Variants in EPB41L5 observed in about 807,000 individuals in gnomAD.
EPB41L5 encodes band 4.1-like protein 5.
Under a neutral mutation model 106.6 loss-of-function variants are expected in EPB41L5, and 55 were observed. The ratio of observed to expected loss-of-function variants is 0.52; its 90% confidence interval spans 0.42 to 0.65. The LOEUF is 0.65. EPB41L5 is among the 30% of genes least tolerant of loss of function. EPB41L5 has a pLI of 0.00. For missense variants in EPB41L5, 871 were observed against 882.1 expected, an observed-to-expected ratio of 0.99 and a Z score of 0.16; for synonymous variants, 297 against 306.7, an observed-to-expected ratio of 0.97 and a Z score of 0.33.
intron 14 of EPB41L5, among the ~76,000 whole-genome samples, chr2:120,097,094 T>A (rs1683804664): frequency 1.3e-5 from 2 of 152,248 alleles, no homozygotes; most frequent in African/African-American, 4.8e-5. Flanking sequence ...TGTTTTGGAA[T>A]TATGATTAAT....
At chr2:120,066,604 G>A (rs1291239043) in intron 3 of EPB41L5, among the ~76,000 whole-genome samples, 2 of 152,172 alleles carry the variant, frequency 1.3e-5, no homozygotes, top group African/African-American at 2.4e-5. Context: ...ATTTCTAGGT[G>A]TAGAATTGCT....
At chr2:120,114,846 A>T (rs1164386017) in intron 16 of EPB41L5, among the ~76,000 whole-genome samples, 1 of 152,200 alleles carries the variant, frequency 6.6e-6, no homozygotes, top group East Asian at 1.9e-4. Flanking sequence ...TATTGATCAG[A>T]AGATAAACTT....
At chr2:120,132,242 A>T (rs1053162239) in intron 18 of EPB41L5, among the ~76,000 whole-genome samples, 1 of 152,238 alleles carries the variant, frequency 6.6e-6, no homozygotes, top group African/African-American at 2.4e-5. Context: ...TAAGTAACTT[A>T]TAGAAAGAGC....
chr2:120,114,853 A>G (rs1193305895), intron 16 of EPB41L5, among the ~76,000 whole-genome samples: 1 of 152,150 alleles, frequency 6.6e-6, no homozygotes, highest in Non-Finnish European at 1.5e-5. Context: ...CAGAAGATAA[A>G]CTTATCTAGT....
intron 18 of EPB41L5, among the ~76,000 whole-genome samples, chr2:120,134,596 G>A (rs1483011736): frequency 6.6e-6 from 1 of 152,206 alleles, no homozygotes; most frequent in Non-Finnish European, 1.5e-5. Flanking sequence ...AGCTCACTGA[G>A]AAGAGAGAGA....
chr2:120,041,018 C>G (rs1679369234), intron 2 of EPB41L5, among the ~76,000 whole-genome samples: 1 of 151,932 alleles, frequency 6.6e-6, no homozygotes, highest in Non-Finnish European at 1.5e-5. Flanking sequence ...TGGATTATAC[C>G]TACCAATAGT....
rs564423951 is a variant in EPB41L5, at chr2:120,111,027, A to G, written c.1337+10213A>G. Reference sequence around the variant, plus strand: ...TTGTTTGTTTCACAAAACCTAAGAAATTAACATTGGTACAATACCACAAAC... The same window carrying G: ...TTGTTTGTTTCACAAAACCTAAGAAGTTAACATTGGTACAATACCACAAAC... On this transcript the variant is annotated intron_variant, in intron 16 of 24. Coordinates refer to ENST00000263713, the MANE Select transcript of EPB41L5 (RefSeq NM_020909.4). 2.6e-5 allele frequency among the ~76,000 whole-genome samples: 4 copies of G among 152,238 alleles called. No individual in the cohort carries two copies. In the South Asian group the frequency reaches 6.2e-4, roughly 24 times the overall value.
chr2:120,061,265 C>G (rs1681049261), intron 3 of EPB41L5, among the ~76,000 whole-genome samples: 1 of 148,132 alleles, frequency 6.8e-6, no homozygotes, highest in Admixed American at 6.7e-5. Flanking sequence ...CTCTGTCGCC[C>G]AGGCTGGAGT....
intron 16 of EPB41L5, among the ~76,000 whole-genome samples, chr2:120,126,074 G>T (rs1052048980): frequency 6.6e-6 from 1 of 152,010 alleles, no homozygotes; most frequent in East Asian, 1.9e-4. Flanking sequence ...CAGTCATAGC[G>T]GATTAGCTGC....
chr2:120,048,178 T>C (rs1204056239), intron 3 of EPB41L5, among the ~76,000 whole-genome samples: 1 of 152,208 alleles, frequency 6.6e-6, no homozygotes, highest in African/African-American at 2.4e-5. Context: ...CCTCATAACA[T>C]GAGTTAGGGA....
At chr2:120,159,053 C>T (rs1362064666) in intron 20 of EPB41L5, among the ~76,000 whole-genome samples, 1 of 151,984 alleles carries the variant, frequency 6.6e-6, no homozygotes, top group Non-Finnish European at 1.5e-5. Flanking sequence ...AGGATCTCTA[C>T]AAGGATAACT....
chr2:120,065,688 TG>T (rs1240021008), intron 3 of EPB41L5, among the ~76,000 whole-genome samples: 1 of 151,992 alleles, frequency 6.6e-6, no homozygotes, highest in Non-Finnish European at 1.5e-5. Context: ...AGCTAATTTT[TG>T]TATTTTTAGT....
chr2:120,087,114 T>C, intron 10 of EPB41L5, 57 bp from the exon 11 acceptor site: 1 of 1,092,596 alleles, frequency 9.2e-7, no homozygotes, highest in East Asian at 2.4e-5. Context: ...ACAATTTTTT[T>C]CATATTTAGA....
intron 16 of EPB41L5, among the ~76,000 whole-genome samples, chr2:120,103,842 A>G (rs1409817014): frequency 1.3e-5 from 2 of 152,132 alleles, no homozygotes; most frequent in African/African-American, 4.8e-5. Flanking sequence ...ACTTACATGT[A>G]TTTCCATATT....
intron 19 of EPB41L5, among the ~76,000 whole-genome samples, chr2:120,144,491 A>C (rs1349096211): frequency 6.6e-6 from 1 of 152,252 alleles, no homozygotes; most frequent in Non-Finnish European, 1.5e-5. Flanking sequence ...TGAGGAATAG[A>C]GAAGTAACAT....
At chr2:120,075,868 A>G (rs1452174936) in intron 7 of EPB41L5, 115 bp downstream of exon 7, 1 of 849,526 alleles carries the variant, frequency 1.2e-6, no homozygotes, top group Non-Finnish European at 1.9e-6. Flanking sequence ...GTTTTTGTAT[A>G]AACTTGTATC....
intron 16 of EPB41L5, among the ~76,000 whole-genome samples, chr2:120,125,467 T>C (rs1333555243): frequency 6.6e-6 from 1 of 152,192 alleles, no homozygotes; most frequent in African/African-American, 2.4e-5. Flanking sequence ...ATTCATATGT[T>C]GAATTTTCCT....
At position 120,175,500 on chromosome 2, in the gene EPB41L5, A is replaced by T. The variant is rs896027389; in HGVS notation, c.*593A>T. 1 of 151,346 alleles carries T rather than the reference A, an allele frequency of 6.6e-6. No individual in the cohort carries two copies. The highest frequency in any genetic ancestry group is 1.5e-5 in the Non-Finnish European group (1 of 68,090). 9.4% of individuals were successfully genotyped at this position (151,346 alleles called of 1,614,324 possible). ...TTTTTAAATGTCTCCCATTCTTTTG[A>T]TTTCTTACTGTACTGGCTATCTTAA... On this transcript the variant is annotated 3_prime_UTR_variant, in exon 25 of 25. Transcript: ENST00000263713.
chr2:120,032,347 C>T (rs1259732132), intron 2 of EPB41L5, among the ~76,000 whole-genome samples: 1 of 152,174 alleles, frequency 6.6e-6, no homozygotes, highest in East Asian at 1.9e-4. Context: ...TACTGCACCC[C>T]AGCCTGGGCA....
Sources: gnomAD v4.1 joint callset for allele counts (sites outside exome capture counted in the v4.1 genomes callset) on GRCh38, gnomAD v4.1.1 for gene constraint, MANE v1.5 for transcripts, NCBI Gene and HGNC (gene_info 2026-07-23, HGNC 2026-07-21) for gene names.